The following PELI2 variants were observed in gnomAD, a reference collection of about 807,000 sequenced individuals.
The protein encoded by PELI2 is pellino E3 ubiquitin protein ligase family member 2.
Under a neutral mutation model 42.3 loss-of-function variants are expected in PELI2, and 23 were observed. The observed-to-expected ratio is 0.54, with a 90% confidence interval of 0.39 to 0.77. The LOEUF is 0.77. PELI2 is among the 30% of genes least tolerant of loss of function. The pLI, the probability that PELI2 is intolerant of heterozygous loss-of-function variation, is 0.00. For synonymous variants in PELI2, 245 were observed against 212.2 expected, an observed-to-expected ratio of 1.15 and a Z score of -1.34; for missense variants, 463 against 553.2, an observed-to-expected ratio of 0.84 and a Z score of 1.64.
chr14:56,173,733 A>G (rs1885264334), intron 1 of PELI2, among the ~76,000 whole-genome samples: 1 of 152,032 alleles, frequency 6.6e-6, no homozygotes, highest in Non-Finnish European at 1.5e-5. Flanking sequence ...TGCCTCCATC[A>G]CATGGTCGTC....
At position 56,219,144 on chromosome 14, in the gene PELI2, T is replaced by G. The variant is rs1422682340; in HGVS notation, c.207+40680T>G. ...TTAAGTATCCTGGTCTCTTAATTCC[T>G]TTTTTATTTTTTTTTGGATGACTTG... is the stretch of plus-strand genomic sequence containing the variant. On this transcript the variant is annotated intron_variant, in intron 2 of 5. Coordinates refer to ENST00000267460, the MANE Select transcript of PELI2 (RefSeq NM_021255.3). The surrounding 1 kb of genome is among the most constrained non-coding windows in gnomAD (Gnocchi z 4.1). Among the ~76,000 whole-genome samples, 1 of 135,670 alleles carries G rather than the reference T, an allele frequency of 7.4e-6. No homozygotes were observed. The highest frequency in any genetic ancestry group is 1.5e-5 in the Non-Finnish European group (1 of 67,446). The allele number at this position is 135,670 out of a possible 152,430, so 89.0% of individuals were successfully genotyped here.
chr14:56,251,452 A>G (rs191150455), intron 2 of PELI2, among the ~76,000 whole-genome samples: 44 of 152,334 alleles, frequency 2.9e-4, no homozygotes, highest in Non-Finnish European at 4.7e-4. Flanking sequence ...CGAAGCTTAA[A>G]TGACTTAAGA....
At chr14:56,218,372 T>C (rs1352592773) in intron 2 of PELI2, among the ~76,000 whole-genome samples, 1 of 152,250 alleles carries the variant, frequency 6.6e-6, no homozygotes, top group Non-Finnish European at 1.5e-5. Context: ...TATTTATGCC[T>C]TATGGCACTA....
Position 56,296,906 on chromosome 14 carries a change from T to A in PELI2, c.1003T>A (p.Cys335Ser). The change falls in exon 6 of 6, where the codon TGT becomes AGT. Residue 335 changes from cysteine to serine, a missense_variant. By Grantham distance (112) the Cys-to-Ser change is moderately radical (BLOSUM62 -1). This residue lies in a region of PELI2 where 103 missense variants were observed against 129.6 expected (regional missense o/e 0.80). Coordinates refer to ENST00000267460, the MANE Select transcript of PELI2 (RefSeq NM_021255.3). Reference sequence around the variant, plus strand: ...TGACACGGAGGCCAACGAGAGGGAGTGTCCCATGTGCAGGACTGTGGGCCC... The same window carrying A: ...TGACACGGAGGCCAACGAGAGGGAGAGTCCCATGTGCAGGACTGTGGGCCC... ...RSDTEANERE[C>S]PMCRTVGPYV... 6.2e-7 allele frequency: 1 copy of A among 1,613,538 alleles called. No individual in the cohort carries two copies. Among genetic ancestry groups the A allele is most frequent in the Non-Finnish European group, 8.5e-7 (1 of 1,179,868 alleles).
At chr14:56,283,302 G>A (rs886570097) in intron 3 of PELI2, among the ~76,000 whole-genome samples, 1 of 152,022 alleles carries the variant, frequency 6.6e-6, no homozygotes. Context: ...ACAGAATATC[G>A]AAAGACTCAA....
intron 2 of PELI2, among the ~76,000 whole-genome samples, chr14:56,222,577 C>T (rs1887180433): frequency 6.6e-6 from 1 of 152,164 alleles, no homozygotes; most frequent in Admixed American, 6.5e-5. Flanking sequence ...AGTGTTTCAT[C>T]AAAGGCAATA....
At chr14:56,191,149 G>T (rs367973977) in intron 2 of PELI2, among the ~76,000 whole-genome samples, 115 of 152,240 alleles carry the variant, frequency 7.6e-4, no homozygotes, top group African/African-American at 2.7e-3. Flanking sequence ...CCAGCAGATT[G>T]TGAGGTCCTG....
At chr14:56,245,779 A>C (rs950866525) in intron 2 of PELI2, among the ~76,000 whole-genome samples, 1 of 152,214 alleles carries the variant, frequency 6.6e-6, no homozygotes, top group Non-Finnish European at 1.5e-5. Flanking sequence ...AAATAATACA[A>C]ATTTTGTATT....
chr14:56,267,342 C>T (rs929247788), intron 2 of PELI2, among the ~76,000 whole-genome samples: 1 of 152,054 alleles, frequency 6.6e-6, no homozygotes. Flanking sequence ...TTGTACTTTT[C>T]AGATTAAGAA....
At chr14:56,205,284 T>G (rs1255732834) in intron 2 of PELI2, among the ~76,000 whole-genome samples, 1 of 152,130 alleles carries the variant, frequency 6.6e-6, no homozygotes, top group East Asian at 1.9e-4. Context: ...ATGCATGCAA[T>G]TTGGGAACAG....
At chr14:56,143,721 G>A (rs1026179060) in intron 1 of PELI2, among the ~76,000 whole-genome samples, 1 of 152,228 alleles carries the variant, frequency 6.6e-6, no homozygotes, top group African/African-American at 2.4e-5. Context: ...GACTGTTTCA[G>A]CTTTGGCCAT....
intron 1 of PELI2, among the ~76,000 whole-genome samples, chr14:56,160,138 AAC>A (rs1306901561): frequency 1.3e-5 from 2 of 152,092 alleles, no homozygotes; most frequent in African/African-American, 4.8e-5. Flanking sequence ...TGCAGGAAGT[AAC>A]AGAGTGCTTG....
At chr14:56,122,918 T>A (rs1272778681) in intron 1 of PELI2, among the ~76,000 whole-genome samples, 1 of 152,256 alleles carries the variant, frequency 6.6e-6, no homozygotes. Flanking sequence ...TTATTTTGTA[T>A]GTTTAAAAAC....
intron 2 of PELI2, among the ~76,000 whole-genome samples, chr14:56,212,521 C>T (rs754406097): frequency 6.6e-6 from 1 of 152,092 alleles, no homozygotes; most frequent in Non-Finnish European, 1.5e-5. Flanking sequence ...CTGACCTGGC[C>T]CAGCTCCTGC....
intron 1 of PELI2, among the ~76,000 whole-genome samples, chr14:56,161,980 T>C (rs1884780964): frequency 6.6e-6 from 1 of 152,202 alleles, no homozygotes; most frequent in Non-Finnish European, 1.5e-5. Flanking sequence ...TTTTTTCCTT[T>C]TTAAAAAAAT....
chr14:56,243,472 G>A (rs1888049329), intron 2 of PELI2, among the ~76,000 whole-genome samples: 1 of 152,170 alleles, frequency 6.6e-6, no homozygotes, highest in Non-Finnish European at 1.5e-5. Flanking sequence ...TTGGGCAAGT[G>A]AAGTCACAAC....
intron 2 of PELI2, among the ~76,000 whole-genome samples, chr14:56,182,638 T>C (rs1234124321): frequency 6.6e-6 from 1 of 152,128 alleles, no homozygotes; most frequent in Non-Finnish European, 1.5e-5. Flanking sequence ...ATATTAGTGG[T>C]CTTTGATAGT....
At chr14:56,204,453 T>A (rs1352551106) in intron 2 of PELI2, among the ~76,000 whole-genome samples, 4 of 151,892 alleles carry the variant, frequency 2.6e-5, no homozygotes, top group African/African-American at 4.8e-5. Flanking sequence ...GGAAGGATAA[T>A]GTGAATTTGG....
chr14:56,163,596 T>C (rs1420116557), intron 1 of PELI2, among the ~76,000 whole-genome samples: 3 of 152,138 alleles, frequency 2.0e-5, no homozygotes, highest in Non-Finnish European at 4.4e-5. Flanking sequence ...ATTTTTTTTT[T>C]CTATTTCTGT....
Sources: gnomAD v4.1 joint callset for allele counts (sites outside exome capture counted in the v4.1 genomes callset) on GRCh38, gnomAD v4.1.1 for gene constraint, gnomAD v4.1.1 regional missense constraint, Gnocchi (gnomAD v3.1) non-coding constraint, MANE v1.5 for transcripts, NCBI Gene and HGNC (gene_info 2026-07-23, HGNC 2026-07-21) for gene names.